The following PDE1A variants were observed in gnomAD, a reference collection of about 807,000 sequenced individuals.
The protein encoded by PDE1A is phosphodiesterase 1A.
A neutral mutation model predicts 61.7 loss-of-function variants in PDE1A; 35 were observed. That is an observed-to-expected ratio of 0.57 (90% CI 0.43 to 0.75). The LOEUF is 0.75. Ranked by LOEUF, PDE1A falls within the 30% of genes least tolerant of loss-of-function variation. The pLI, the probability that PDE1A is intolerant of heterozygous loss-of-function variation, is 0.00. For missense variants in PDE1A, 597 were observed against 630.6 expected (o/e 0.95, Z 0.57); for synonymous variants, 232 against 213.2 (o/e 1.09, Z -0.77).
rs548993514 is a variant in PDE1A, at chr2:182,403,598, C to CAAAAAAAAAA, written c.53+22970_53+22979dup. Among the ~76,000 whole-genome samples the CAAAAAAAAAA allele has an allele frequency of 2.4e-3, 189 of 77,544 alleles. 3 individuals carry two copies. The highest frequency in any genetic ancestry group is 0.01 in the African/African-American group (166 of 16,178). 50.9% of individuals were successfully genotyped at this position (77,544 alleles called of 152,430 possible). On this transcript the variant is annotated intron_variant, in intron 1 of 13. Coordinates refer to ENST00000351439, the Ensembl canonical transcript of PDE1A. Reference sequence around the variant, plus strand: ...TGGGCGACAGAGCCAGACTCCGTCTCAAAAAAAAAAAAAAAAGAAAATGTG... The same window carrying CAAAAAAAAAA: ...TGGGCGACAGAGCCAGACTCCGTCTCAAAAAAAAAAAAAAAAAAAAAAAAAAGAAAATGTG...
chr2:182,192,567 C>T (rs1213543147), intron 10 of PDE1A, among the ~76,000 whole-genome samples: 4 of 151,948 alleles, frequency 2.6e-5, no homozygotes, highest in African/African-American at 9.7e-5. Context: ...ATTTATTTTC[C>T]ATCAAGGTAA....
chr2:182,563,730 G>C, the PDE1A span, among the ~76,000 whole-genome samples: 8 of 152,150 alleles, frequency 5.3e-5, no homozygotes, highest in Admixed American at 2.6e-4. Context: ...CTTTATGAAA[G>C]TGGATGCTCC....
intron 2 of PDE1A, among the ~76,000 whole-genome samples, chr2:182,508,841 G>A (rs1055127562): frequency 7.2e-6 from 1 of 138,770 alleles, no homozygotes; most frequent in African/African-American, 2.7e-5. Context: ...TTAAGTTTTA[G>A]GGTACATGTG....
chr2:182,238,278 A>AAAG (rs1258665033), intron 3 of PDE1A, among the ~76,000 whole-genome samples: 5 of 150,100 alleles, frequency 3.3e-5, no homozygotes, highest in Non-Finnish European at 5.9e-5. Flanking sequence ...AAAAAAAAAA[A>AAAG]AAAAGAAAAA....
chr2:182,238,896 C>T (rs1378123618), intron 3 of PDE1A, among the ~76,000 whole-genome samples: 1 of 152,074 alleles, frequency 6.6e-6, no homozygotes, highest in Non-Finnish European at 1.5e-5. Flanking sequence ...TACATTTTTT[C>T]CCAGTTTGCC....
At chr2:182,234,528 A>G (rs751447343) in intron 3 of PDE1A, 30 bp from the exon 4 acceptor site, 7 of 1,397,622 alleles carry the variant, frequency 5.0e-6, no homozygotes, top group South Asian at 1.2e-5. Context: ...GTGTAAATAT[A>G]AAATTCATTT....
At chr2:182,345,591 C>A (rs1336181468) in intron 1 of PDE1A, among the ~76,000 whole-genome samples, 2 of 152,120 alleles carry the variant, frequency 1.3e-5, no homozygotes, top group African/African-American at 2.4e-5. Flanking sequence ...CACGCCTCCT[C>A]TTAATCACAC....
chr2:182,332,518 G>A (rs1479741457), intron 1 of PDE1A, among the ~76,000 whole-genome samples: 1 of 152,144 alleles, frequency 6.6e-6, no homozygotes, highest in Non-Finnish European at 1.5e-5. Context: ...TGATGTTTGT[G>A]ACCTTCGCAT....
chr2:182,211,992 A>C (rs1687643023), intron 7 of PDE1A, among the ~76,000 whole-genome samples: 1 of 151,960 alleles, frequency 6.6e-6, no homozygotes. Context: ...GAAGAGAGAA[A>C]TTCCTTTTTC....
chr2:182,462,963 G>A (rs1198473993), intron 2 of PDE1A, among the ~76,000 whole-genome samples: 3 of 152,004 alleles, frequency 2.0e-5, no homozygotes, highest in Admixed American at 6.6e-5. Context: ...AGGGTAGGCC[G>A]GGTGCGGTGG....
upstream of PDE1A, among the ~76,000 whole-genome samples, chr2:182,526,764 C>T (rs1047010592): frequency 2.0e-5 from 3 of 152,096 alleles, no homozygotes; most frequent in African/African-American, 7.2e-5. Context: ...TGAAACACAC[C>T]TCTTAAAATT....
chr2:182,640,952 G>A, the PDE1A span, among the ~76,000 whole-genome samples: 1 of 139,990 alleles, frequency 7.1e-6, no homozygotes, highest in African/African-American at 2.7e-5. Flanking sequence ...CCTGGTAGGT[G>A]GAGGTTGCAG....
chr2:182,599,572 T>C, the PDE1A span, among the ~76,000 whole-genome samples: 2 of 152,252 alleles, frequency 1.3e-5, no homozygotes, highest in Non-Finnish European at 2.9e-5. Context: ...TGTGCTTCTC[T>C]GTGTTATTAT....
intron 1 of PDE1A, among the ~76,000 whole-genome samples, chr2:182,365,279 G>A (rs1474239140): frequency 2.0e-5 from 3 of 151,862 alleles, no homozygotes; most frequent in Non-Finnish European, 2.9e-5. Flanking sequence ...CATAAGTCAC[G>A]GTGAATATAG....
At chr2:182,487,047 G>C (rs1583112) in intron 2 of PDE1A, among the ~76,000 whole-genome samples, 26,517 of 152,082 alleles carry the variant, frequency 0.17, 2,609 homozygotes, top group Middle Eastern at 0.31. Context: ...GACCAGAATT[G>C]ATAAAGGACT....
chr2:182,171,314 T>A (rs374337916), intron 13 of PDE1A, among the ~76,000 whole-genome samples: 1 of 151,980 alleles, frequency 6.6e-6, no homozygotes, highest in Non-Finnish European at 1.5e-5. Context: ...AGACAAACCA[T>A]GATCAACCCA....
At chr2:182,481,400 T>C (rs1687694487) in intron 2 of PDE1A, among the ~76,000 whole-genome samples, 1 of 151,934 alleles carries the variant, frequency 6.6e-6, no homozygotes, top group African/African-American at 2.4e-5. Context: ...ACTAGCATAC[T>C]GATGAAGTCT....
At chr2:182,373,958 G>T (rs1207669803) in intron 1 of PDE1A, among the ~76,000 whole-genome samples, 2 of 152,016 alleles carry the variant, frequency 1.3e-5, no homozygotes, top group African/African-American at 4.8e-5. Flanking sequence ...GCAGTAAATA[G>T]AAAAGGACAA....
chr2:182,360,529 GTT>G (rs200227796), intron 1 of PDE1A, among the ~76,000 whole-genome samples: 35,320 of 128,384 alleles, frequency 0.28, 4,881 homozygotes, highest in East Asian at 0.42. Flanking sequence ...GCAGTTTAGT[GTT>G]TTTTTTTTTT....
Sources: gnomAD v4.1 joint callset for allele counts (sites outside exome capture counted in the v4.1 genomes callset) on GRCh38, gnomAD v4.1.1 for gene constraint, MANE v1.5 for transcripts, NCBI Gene and HGNC (gene_info 2026-07-23, HGNC 2026-07-21) for gene names.